PPM1L: variants seen among roughly 807,000 people sequenced by gnomAD.
The protein encoded by PPM1L is protein phosphatase 1L.
PPM1L carries 13 observed loss-of-function variants against 31.4 expected under a neutral mutation model. The observed-to-expected ratio is 0.41, with a 90% CI of 0.27 to 0.66. The LOEUF is 0.66. PPM1L is among the 30% of genes least tolerant of loss of function. The pLI is 0.29. For missense variants in PPM1L, 326 were observed against 453.7 expected (o/e 0.72, Z 2.56); for synonymous variants, 184 against 175.4 (o/e 1.05, Z -0.39).
chr3:160,956,027 A>C (rs1470143276), intron 1 of PPM1L, among the ~76,000 whole-genome samples: 1 of 152,150 alleles, frequency 6.6e-6, no homozygotes, highest in Non-Finnish European at 1.5e-5. Context: ...CCCCACCTGA[A>C]TTCTTTAATA....
chr3:160,844,850 T>C (rs1714024757), intron 1 of PPM1L, among the ~76,000 whole-genome samples: 1 of 152,016 alleles, frequency 6.6e-6, no homozygotes, highest in Non-Finnish European at 1.5e-5. Context: ...TTTAGAACAT[T>C]TTCATCACCC....
At chr3:160,824,845 T>C (rs1713309294) in intron 1 of PPM1L, among the ~76,000 whole-genome samples, 1 of 152,186 alleles carries the variant, frequency 6.6e-6, no homozygotes, top group Non-Finnish European at 1.5e-5. Flanking sequence ...TATATGTATG[T>C]ACTTTTTTAA....
intron 1 of PPM1L, among the ~76,000 whole-genome samples, chr3:160,760,260 A>T (rs1714933635): frequency 6.6e-6 from 1 of 152,222 alleles, no homozygotes; most frequent in Non-Finnish European, 1.5e-5. Flanking sequence ...ATTCTCTATG[A>T]TTAATTAAGA....
rs184477344 is a variant in PPM1L at position 161,001,786 on chromosome 3, T to G, written c.574+39876T>G. Among the ~76,000 whole-genome samples the G allele has an allele frequency of 7.9e-5, 12 of 152,260 alleles. No individual in the cohort carries two copies. In the East Asian group the frequency reaches 2.3e-3, roughly 29 times the overall value. ...GATCCACTCATAACTAAGTATGAAT[T>G]TACTACAAACCCTCCCTAAAGTGTT... is the stretch of plus-strand genomic sequence containing the variant. On this transcript the variant is annotated intron_variant, in intron 2 of 3. Coordinates refer to ENST00000498165, the MANE Select transcript of PPM1L (RefSeq NM_139245.4).
chr3:160,981,071 T>C (rs774998325), intron 2 of PPM1L, among the ~76,000 whole-genome samples: 1 of 152,182 alleles, frequency 6.6e-6, no homozygotes, highest in Non-Finnish European at 1.5e-5. Flanking sequence ...TCCTCTTCCT[T>C]CCTTGCCCTG....
chr3:160,878,061 C>G (rs1199246950), intron 1 of PPM1L, among the ~76,000 whole-genome samples: 1 of 152,266 alleles, frequency 6.6e-6, no homozygotes, highest in Non-Finnish European at 1.5e-5. Flanking sequence ...GAAACCTTAT[C>G]GAGGACTTCC....
At chr3:160,816,852 A>G (rs139946220) in intron 1 of PPM1L, among the ~76,000 whole-genome samples, 1 of 152,188 alleles carries the variant, frequency 6.6e-6, no homozygotes, top group African/African-American at 2.4e-5. Context: ...GACAATGGTT[A>G]TTCTACAACC....
At chr3:161,049,321 AAAAC>A in intron 2 of PPM1L, among the ~76,000 whole-genome samples, 1 of 152,168 alleles carries the variant, frequency 6.6e-6, no homozygotes, top group African/African-American at 2.4e-5. Flanking sequence ...AAAAAACCCT[AAAAC>A]AAAAACAAGA....
intron 1 of PPM1L, among the ~76,000 whole-genome samples, chr3:160,903,523 T>C (rs1175178960): frequency 6.6e-6 from 1 of 152,212 alleles, no homozygotes; most frequent in Non-Finnish European, 1.5e-5. Flanking sequence ...ACATCTAGAC[T>C]AATATTTGAC....
Position 160,816,668 on chromosome 3 carries a change from G to A in PPM1L, c.399+59961G>A, listed in dbSNP as rs1407802249. On this transcript the variant is annotated intron_variant, in intron 1 of 3. Coordinates refer to ENST00000498165, the MANE Select transcript of PPM1L (RefSeq NM_139245.4). Reference sequence around the variant, plus strand: ...CTGTGTAGCTTCTGATGAAATATAGGGGAAAAAATCTAGAAAACTATAACT... The same window carrying A: ...CTGTGTAGCTTCTGATGAAATATAGAGGAAAAAATCTAGAAAACTATAACT... 7.9e-5 allele frequency among the ~76,000 whole-genome samples: 12 copies of A among 151,936 alleles called. No homozygotes were observed. In the South Asian group the frequency reaches 2.5e-3, roughly 32 times the overall value.
At chr3:160,971,951 A>G (rs1482492269) in intron 2 of PPM1L, among the ~76,000 whole-genome samples, 2 of 152,086 alleles carry the variant, frequency 1.3e-5, no homozygotes, top group African/African-American at 2.4e-5. Context: ...ATTTTTCTGT[A>G]GAGACGGGTT....
chr3:160,959,567 C>T (rs1406864660), intron 1 of PPM1L, among the ~76,000 whole-genome samples: 4 of 152,174 alleles, frequency 2.6e-5, no homozygotes, highest in Non-Finnish European at 2.9e-5. Flanking sequence ...TGGTTGCTCA[C>T]GCCTGTAATC....
chr3:160,984,884 A>G (rs1716914200), intron 2 of PPM1L, among the ~76,000 whole-genome samples: 1 of 152,186 alleles, frequency 6.6e-6, no homozygotes, highest in East Asian at 1.9e-4. Context: ...AGGCATTTTT[A>G]GTTGTCACAG....
intron 1 of PPM1L, among the ~76,000 whole-genome samples, chr3:160,959,728 G>A (rs1715892307): frequency 6.6e-6 from 1 of 152,114 alleles, no homozygotes; most frequent in South Asian, 2.1e-4. Context: ...AGCTACTCAG[G>A]AGGCTGAGGC....
intron 1 of PPM1L, among the ~76,000 whole-genome samples, chr3:160,855,724 A>T (rs916034986): frequency 6.6e-6 from 1 of 152,248 alleles, no homozygotes; most frequent in South Asian, 2.1e-4. Context: ...GATGCTGGCG[A>T]GGTTGTGGAG....
At chr3:160,775,193 G>A (rs946890088) in intron 1 of PPM1L, among the ~76,000 whole-genome samples, 5 of 152,244 alleles carry the variant, frequency 3.3e-5, no homozygotes, top group African/African-American at 4.8e-5. Context: ...GTTATACAAC[G>A]GCTAAATGGA....
chr3:160,875,627 A>C (rs1712481423), intron 1 of PPM1L, among the ~76,000 whole-genome samples: 1 of 152,240 alleles, frequency 6.6e-6, no homozygotes, highest in Non-Finnish European at 1.5e-5. Context: ...TACTATGTGC[A>C]AGGCACTATG....
intron 1 of PPM1L, among the ~76,000 whole-genome samples, chr3:160,824,026 A>G (rs957545979): frequency 6.6e-6 from 1 of 152,162 alleles, no homozygotes; most frequent in Non-Finnish European, 1.5e-5. Flanking sequence ...AAAGAGATAT[A>G]AATGTATGAG....
chr3:160,837,216 A>C (rs1347685073), intron 1 of PPM1L, among the ~76,000 whole-genome samples: 1 of 152,192 alleles, frequency 6.6e-6, no homozygotes, highest in African/African-American at 2.4e-5. Context: ...GCTTTCTTGT[A>C]CCATCTGAAA....
Sources: gnomAD v4.1 joint callset for allele counts (sites outside exome capture counted in the v4.1 genomes callset) on GRCh38, gnomAD v4.1.1 for gene constraint, MANE v1.5 for transcripts, NCBI Gene and HGNC (gene_info 2026-07-23, HGNC 2026-07-21) for gene names.